The following XRCC4 variants were observed in gnomAD, a reference collection of about 807,000 sequenced individuals.
The protein encoded by XRCC4 is DNA repair protein XRCC4.
XRCC4 carries 28 observed loss-of-function variants against 39.1 expected under a neutral mutation model. That is an observed-to-expected ratio of 0.72 (90% CI 0.53 to 0.98). The LOEUF is 0.98. XRCC4 is among the 50% of genes least tolerant of loss of function. The pLI is 0.00. For synonymous variants in XRCC4, 123 were observed against 126.4 expected (o/e 0.97, Z 0.18); for missense variants, 350 against 376.4 (o/e 0.93, Z 0.58).
At chr5:83,333,896 A>G (rs1263751273) in intron 7 of XRCC4, among the ~76,000 whole-genome samples, 1 of 151,892 alleles carries the variant, frequency 6.6e-6, no homozygotes, top group Admixed American at 6.6e-5. Flanking sequence ...CAGCCTTCCA[A>G]GTATCGGGGA....
At chr5:83,367,526 A>G in the XRCC4 span, among the ~76,000 whole-genome samples, 93 of 152,090 alleles carry the variant, frequency 6.1e-4, no homozygotes, top group African/African-American at 2.1e-3. Flanking sequence ...TCACTTCTCA[A>G]GCTCCCTGAA....
At chr5:83,266,041 T>C (rs1406785638) in intron 7 of XRCC4, among the ~76,000 whole-genome samples, 1 of 152,100 alleles carries the variant, frequency 6.6e-6, no homozygotes, top group Non-Finnish European at 1.5e-5. Context: ...CTATATGTTA[T>C]ACTCTTGTCA....
the XRCC4 span, among the ~76,000 whole-genome samples, chr5:83,371,919 A>C: frequency 6.6e-6 from 1 of 152,214 alleles, no homozygotes; most frequent in Non-Finnish European, 1.5e-5. Flanking sequence ...AGTTCTGATA[A>C]AATGTGCTAG....
intron 3 of XRCC4, among the ~76,000 whole-genome samples, chr5:83,168,952 T>C (rs1292964253): frequency 6.6e-6 from 1 of 152,108 alleles, no homozygotes; most frequent in East Asian, 1.9e-4. Flanking sequence ...ATCCCCGGAA[T>C]GATGCTGATG....
At chr5:83,151,978 G>C (rs1748725485) in intron 3 of XRCC4, among the ~76,000 whole-genome samples, 1 of 152,194 alleles carries the variant, frequency 6.6e-6, no homozygotes. Context: ...TTAGCCCCAA[G>C]AAGTGCTCCA....
At position 83,179,214 on chromosome 5, in the gene XRCC4, C is replaced by T. The variant is rs143190510; in HGVS notation, c.316-16556C>T. Among the ~76,000 whole-genome samples, 1,171 of 152,184 alleles carry T rather than the reference C, an allele frequency of 7.7e-3. 12 individuals carry two copies. The highest frequency in any genetic ancestry group is 0.026 in the African/African-American group (1,096 of 41,514). On this transcript the variant is annotated intron_variant, in intron 3 of 7. Coordinates refer to ENST00000396027, the MANE Select transcript of XRCC4 (RefSeq NM_003401.5). ...ATTTCTCTTCTCAAATGTCTAACAC[C>T]TAACATATTCTTAGGTATGTATCGA...
intron 4 of XRCC4, among the ~76,000 whole-genome samples, chr5:83,199,980 A>C (rs922539905): frequency 5.3e-5 from 8 of 152,012 alleles, no homozygotes; most frequent in African/African-American, 1.9e-4. Flanking sequence ...CTAGTTGTAC[A>C]TGGGCTTTTT....
chr5:83,158,804 G>T (rs886298184), intron 3 of XRCC4, among the ~76,000 whole-genome samples: 1 of 151,928 alleles, frequency 6.6e-6, no homozygotes, highest in Admixed American at 6.6e-5. Flanking sequence ...TAGTCCTAAA[G>T]AACTAATCTT....
intron 7 of XRCC4, among the ~76,000 whole-genome samples, chr5:83,303,223 A>C (rs1034004299): frequency 7.2e-5 from 11 of 152,012 alleles, no homozygotes; most frequent in Admixed American, 2.0e-4. Context: ...AAAAAAAAAA[A>C]AAAAAAAAAA....
At chr5:83,154,849 C>T (rs1156936401) in intron 3 of XRCC4, among the ~76,000 whole-genome samples, 1 of 152,178 alleles carries the variant, frequency 6.6e-6, no homozygotes, top group Non-Finnish European at 1.5e-5. Flanking sequence ...CTTCACACAA[C>T]CTTCAAGTCT....
At chr5:83,357,247 G>A (rs1415694443), downstream of XRCC4, among the ~76,000 whole-genome samples, 2 of 152,170 alleles carry the variant, frequency 1.3e-5, no homozygotes, top group Non-Finnish European at 2.9e-5. Context: ...ACAGACAAGT[G>A]TCCTGTTTCT....
At chr5:83,148,608 G>A (rs1013614538) in intron 3 of XRCC4, among the ~76,000 whole-genome samples, 2 of 151,976 alleles carry the variant, frequency 1.3e-5, no homozygotes, top group African/African-American at 2.4e-5. Context: ...TATAGCTTCC[G>A]TCTTCAATTT....
At position 83,173,795 on chromosome 5, in the gene XRCC4, C is replaced by T. The variant is rs72767170; in HGVS notation, c.316-21975C>T. On this transcript the variant is annotated intron_variant, in intron 3 of 7. Coordinates refer to ENST00000396027, the MANE Select transcript of XRCC4 (RefSeq NM_003401.5). The stretch of plus-strand genomic sequence containing the variant: ...CCTTCTGTAGTTTCCCTAAAATCAC[C>T]ACTTGATTGTTAATTCTAAGGGGAC... Among the ~76,000 whole-genome samples the T allele has an allele frequency of 9.9e-4, 151 of 152,232 alleles. 1 individual carries two copies. Among genetic ancestry groups the T allele is most frequent in the Non-Finnish European group, 8.8e-4 (60 of 68,012 alleles).
chr5:83,195,958 G>A (rs1456380884), intron 4 of XRCC4, 22 bp downstream of exon 4: 1 of 1,537,810 alleles, frequency 6.5e-7, no homozygotes. Flanking sequence ...GTTTGCTTGT[G>A]GTATAAAAAT....
At chr5:83,171,408 A>G (rs1035886167) in intron 3 of XRCC4, among the ~76,000 whole-genome samples, 5 of 152,106 alleles carry the variant, frequency 3.3e-5, no homozygotes, top group African/African-American at 1.2e-4. Context: ...GTCTATAGAT[A>G]TTTTGTGTTT....
At chr5:83,233,792 C>T (rs1752584706) in intron 6 of XRCC4, among the ~76,000 whole-genome samples, 1 of 149,860 alleles carries the variant, frequency 6.7e-6, no homozygotes, top group African/African-American at 2.5e-5. Context: ...GTCCTAGCTA[C>T]TCAGGAGGCT....
At chr5:83,272,943 G>T (rs964029588) in intron 7 of XRCC4, among the ~76,000 whole-genome samples, 5 of 152,166 alleles carry the variant, frequency 3.3e-5, no homozygotes, top group African/African-American at 1.2e-4. Context: ...GATATACCCA[G>T]TAATGAGATT....
chr5:83,213,261 A>C (rs1350461874), intron 6 of XRCC4, among the ~76,000 whole-genome samples: 1 of 152,144 alleles, frequency 6.6e-6, no homozygotes, highest in African/African-American at 2.4e-5. Flanking sequence ...GGGTGAAAGG[A>C]AACAACATGA....
At chr5:83,249,742 C>G (rs1340290013) in intron 6 of XRCC4, among the ~76,000 whole-genome samples, 7 of 152,000 alleles carry the variant, frequency 4.6e-5, no homozygotes, top group Admixed American at 3.9e-4. Flanking sequence ...ATAATTTAGT[C>G]TGCCAATTTT....
Sources: gnomAD v4.1 joint callset for allele counts (sites outside exome capture counted in the v4.1 genomes callset) on GRCh38, gnomAD v4.1.1 for gene constraint, MANE v1.5 for transcripts, NCBI Gene and HGNC (gene_info 2026-07-23, HGNC 2026-07-21) for gene names.